ZNF536: variants seen among roughly 807,000 people sequenced by gnomAD.
ZNF536 encodes the protein zinc finger protein 536.
Under a neutral mutation model 84.5 loss-of-function variants are expected in ZNF536, and 13 were observed. That is an observed-to-expected ratio of 0.15 (90% confidence interval 0.10 to 0.24). ZNF536 has a LOEUF of 0.24. Ranked by LOEUF, ZNF536 falls within the 10% of genes least tolerant of loss-of-function variation. The pLI, the probability that ZNF536 is intolerant of heterozygous loss-of-function variation, is 1.00. For synonymous variants in ZNF536, 811 were observed against 742.5 expected, an observed-to-expected ratio of 1.09 and a Z score of -1.50; for missense variants, 1,536 against 1,747.5, an observed-to-expected ratio of 0.88 and a Z score of 2.16.
chr19:30,692,758 T>C (rs1600285295), intron 1 of ZNF536, among the ~76,000 whole-genome samples: 1 of 152,092 alleles, frequency 6.6e-6, no homozygotes, highest in Admixed American at 6.5e-5. Flanking sequence ...GTTCAGAAGG[T>C]GGCCACGCTG....
At chr19:30,353,531 C>G (rs996788350) in intron 3 of ZNF536, among the ~76,000 whole-genome samples, 6 of 151,770 alleles carry the variant, frequency 4.0e-5, no homozygotes, top group Non-Finnish European at 8.8e-5. Context: ...GAGCAGCCCC[C>G]CCCTGGCACC....
chr19:30,585,946 A>T (rs73924790), intron 1 of ZNF536, among the ~76,000 whole-genome samples: 3,931 of 152,260 alleles, frequency 0.026, 183 homozygotes, highest in African/African-American at 0.09. Flanking sequence ...GTTTGAGCTA[A>T]TATTTTCTTT....
At chr19:30,631,161 G>C (rs926921178) in intron 1 of ZNF536, among the ~76,000 whole-genome samples, 1 of 152,200 alleles carries the variant, frequency 6.6e-6, no homozygotes, top group Non-Finnish European at 1.5e-5. Flanking sequence ...AAGCAACCAG[G>C]AGCCGGCCCT....
chr19:30,697,721 C>T (rs539771898), intron 1 of ZNF536, among the ~76,000 whole-genome samples: 15 of 152,302 alleles, frequency 9.8e-5, no homozygotes, highest in African/African-American at 3.6e-4. Flanking sequence ...AAAAATGCTG[C>T]ATGCTAGCAG....
chr19:30,669,032 G>A (rs1430075135), intron 1 of ZNF536, among the ~76,000 whole-genome samples: 1 of 152,328 alleles, frequency 6.6e-6, no homozygotes, highest in East Asian at 1.9e-4. Context: ...ACGCCTGGGT[G>A]CATTGTGCTC....
chr19:30,472,642 G>T (rs1341555269), intron 2 of ZNF536, among the ~76,000 whole-genome samples: 1 of 152,152 alleles, frequency 6.6e-6, no homozygotes, highest in East Asian at 1.9e-4. Flanking sequence ...TTTCTCTACT[G>T]ATGTGATCAA....
chr19:30,399,327 A>T (rs1037206559), intron 1 of ZNF536, among the ~76,000 whole-genome samples: 1 of 151,952 alleles, frequency 6.6e-6, no homozygotes, highest in African/African-American at 2.4e-5. Flanking sequence ...CCTTTGTCAG[A>T]TGGATAGATT....
At chr19:30,592,624 T>C (rs114405368) in intron 1 of ZNF536, among the ~76,000 whole-genome samples, 106 of 152,220 alleles carry the variant, frequency 7.0e-4, no homozygotes, top group African/African-American at 2.5e-3. Context: ...TGGATTTTCA[T>C]GTTTGTGAAT....
chr19:30,355,305 GT>G (rs2048057641), intron 3 of ZNF536, among the ~76,000 whole-genome samples: 1 of 152,124 alleles, frequency 6.6e-6, no homozygotes, highest in South Asian at 2.1e-4. Flanking sequence ...CAGATCTTGT[GT>G]GAACCAACTG....
intron 1 of ZNF536, among the ~76,000 whole-genome samples, chr19:30,385,397 C>A (rs549623426): frequency 6.6e-6 from 1 of 152,256 alleles, no homozygotes; most frequent in South Asian, 2.1e-4. Flanking sequence ...ACTGGGGGGA[C>A]AGCTGCCTGA....
rs1199981399 is a variant in ZNF536, at chr19:30,383,678, TTCTTCCTTCCTTTCTTTTCTTTC to T, written c.-3+11127_-3+11149del. Among the ~76,000 whole-genome samples the T allele has an allele frequency of 8.8e-3, 117 of 13,292 alleles. 3 individuals are homozygous for T. Among genetic ancestry groups the T allele is most frequent in the African/African-American group, 0.013 (40 of 3,184 alleles). 8.7% of individuals were successfully genotyped at this position (13,292 alleles called of 152,430 possible). A position where few individuals can be genotyped will look rare whatever the true frequency, so the allele number is the denominator to read the frequency against. On this transcript the variant is annotated intron_variant, in intron 1 of 4. Transcript: ENST00000355537. ...TCTCTCTTTCTCTTTCTTTCTTCCT[TTCTTCCTTCCTTTCTTTTCTTTC>T]TCTTTCTTTCTTTCTTTCTTTCTTT...
chr19:30,661,582 T>G (rs535414825), intron 1 of ZNF536, among the ~76,000 whole-genome samples: 1 of 152,368 alleles, frequency 6.6e-6, no homozygotes, highest in East Asian at 1.9e-4. Flanking sequence ...ATTGGAAGTT[T>G]TTCCAAAGAA....
chr19:30,700,695 A>T (rs2051903883), intron 1 of ZNF536, among the ~76,000 whole-genome samples: 1 of 152,176 alleles, frequency 6.6e-6, no homozygotes. Context: ...TGAATTTTTA[A>T]TGTATCCTAT....
chr19:30,283,140 C>T (rs1341730069), intron 1 of ZNF536, among the ~76,000 whole-genome samples: 1 of 152,194 alleles, frequency 6.6e-6, no homozygotes, highest in African/African-American at 2.4e-5. Context: ...TTTCTGAATC[C>T]ATAGCGAAAT....
At chr19:30,397,680 T>C (rs2049878111) in intron 1 of ZNF536, among the ~76,000 whole-genome samples, 2 of 152,244 alleles carry the variant, frequency 1.3e-5, no homozygotes. Context: ...TTTATTTAAA[T>C]GTTAATTGGC....
rs1242289245 is a variant in ZNF536, at chr19:30,275,109, AC to A, written c.-189-8962del. The stretch of plus-strand genomic sequence containing the variant: ...ATGGGGTGAGAGATCCAGGGCAAAG[AC>A]ATTGGGTGGAGCGAGGTTCAGGGAG... On this transcript the variant is annotated intron_variant, in intron 1 of 5. Coordinates refer to the ZNF536 transcript ENST00000585628. 6.6e-5 allele frequency among the ~76,000 whole-genome samples: 10 copies of A among 152,154 alleles called. No homozygotes were observed. In the South Asian group the frequency reaches 2.1e-3, roughly 32 times the overall value.
chr19:30,583,726 G>A (rs1299003902), intron 1 of ZNF536, among the ~76,000 whole-genome samples: 3 of 152,204 alleles, frequency 2.0e-5, no homozygotes, highest in Non-Finnish European at 2.9e-5. Flanking sequence ...TACTGGCACA[G>A]TGACTAGCAC....
At chr19:30,384,438 G>A (rs1265933168) in intron 1 of ZNF536, among the ~76,000 whole-genome samples, 1 of 150,138 alleles carries the variant, frequency 6.7e-6, no homozygotes, top group South Asian at 2.1e-4. Context: ...GGGGCCTGGT[G>A]GCGAAGAAGG....
chr19:30,424,955 C>T (rs889204269), intron 1 of ZNF536, among the ~76,000 whole-genome samples: 2 of 152,150 alleles, frequency 1.3e-5, no homozygotes, highest in Non-Finnish European at 2.9e-5. Context: ...CAACGTATGG[C>T]TCAGGATCCC....
Sources: gnomAD v4.1 joint callset for allele counts (sites outside exome capture counted in the v4.1 genomes callset) on GRCh38, gnomAD v4.1.1 for gene constraint, MANE v1.5 for transcripts, NCBI Gene and HGNC (gene_info 2026-07-23, HGNC 2026-07-21) for gene names.